Variants in PSD4 observed in about 807,000 individuals in gnomAD.
PSD4 encodes PH and SEC7 domain-containing protein 4.
A neutral mutation model predicts 112.5 loss-of-function variants in PSD4; 59 were observed. The ratio of observed to expected loss-of-function variants is 0.52; its 90% CI spans 0.43 to 0.65. The LOEUF (loss-of-function observed/expected upper bound fraction) is 0.65. Ranked by LOEUF, PSD4 falls within the 30% of genes least tolerant of loss-of-function variation. The pLI is 0.00. For synonymous variants in PSD4, 533 were observed against 540.0 expected (o/e 0.99, Z 0.18); for missense variants, 1,267 against 1,352.6 (o/e 0.94, Z 0.99).
In PSD4 at chr2:113,201,462, T is replaced by A; in HGVS notation, c.*47T>A. 2.5e-6 allele frequency: 4 copies of A among 1,600,584 alleles called. No homozygotes were observed. The highest frequency in any genetic ancestry group is 3.4e-6 in the Non-Finnish European group (4 of 1,173,492). ...ACTGTTCCCTGCTCCAGGGTAGACCTGAGATGAACCTCCCTGGAGGAGACT... is the reference window on the plus strand; with the variant it reads ...ACTGTTCCCTGCTCCAGGGTAGACCAGAGATGAACCTCCCTGGAGGAGACT... On this transcript the variant is annotated 3_prime_UTR_variant, in exon 17 of 17. Coordinates refer to ENST00000245796, the MANE Select transcript of PSD4 (RefSeq NM_012455.3).
In PSD4 at chr2:113,191,304, C is replaced by T. The variant is rs181615467; in HGVS notation, c.1629-1076C>T. Among the ~76,000 whole-genome samples the T allele has an allele frequency of 2.6e-4, 39 of 152,302 alleles. No individual in the cohort carries two copies. In the East Asian group the frequency reaches 7.3e-3, roughly 29 times the overall value. ...TTCTTTTTTTTCTTTTAGACGGCAT[C>T]TTGCTCTGTTGCCCAGGCTGGTGTG... On this transcript the variant is annotated intron_variant, in intron 5 of 16. Coordinates refer to ENST00000245796, the MANE Select transcript of PSD4 (RefSeq NM_012455.3).
At position 113,183,518 on chromosome 2, in the gene PSD4, C is replaced by A; in HGVS notation, c.1056+6C>A. 1 of 1,555,336 alleles carries A rather than the reference C, an allele frequency of 6.4e-7. No individual in the cohort carries two copies. The highest frequency in any genetic ancestry group is 8.7e-7 in the Non-Finnish European group (1 of 1,154,804). ...CTGGTCACGGGGAGAGTGAGGTAAG[C>A]CCAGTCTTGGGAACCAACCGGGGCT... On this transcript the variant is annotated splice_donor_region_variant and intron_variant, in intron 2 of 16. Transcript: ENST00000245796.
At chr2:113,197,115 G>C (rs1451804891) in intron 12 of PSD4, 1 of 243,062 alleles carries the variant, frequency 4.1e-6, no homozygotes, top group African/African-American at 2.3e-5. Context: ...GGTGCTCAGA[G>C]TGGGGTACAC....
At position 113,192,435 on chromosome 2, in the gene PSD4, C is replaced by A; in HGVS notation, c.1684C>A (p.Gln562Lys). The A allele has an allele frequency of 6.2e-7, 1 of 1,614,234 alleles. No homozygotes were observed. Among genetic ancestry groups the A allele is most frequent in the Middle Eastern group, 1.6e-4 (1 of 6,062 alleles). The stretch of plus-strand genomic sequence containing the variant: ...TTGGCTTCCTGGGAGCCCTATGCCC[C>A]AAGCACAGTCCCCAGAGGAAGGCCA... ...SSWLPGSPMP[Q>K]AQSPEEGQRP... The change falls in exon 6 of 17, where the codon CAA (glutamine) becomes AAA (lysine). Residue 562 changes from glutamine (Q) to lysine (K), a missense_variant. Physicochemically the swap from Gln to Lys is moderately conservative, Grantham distance 53 (BLOSUM62 1). Around this residue, in one of 2 missense-constraint regions of PSD4, gnomAD observed 723 missense variants for 704.0 expected, o/e 1.03. Coordinates refer to ENST00000245796, the MANE Select transcript of PSD4 (RefSeq NM_012455.3).
chr2:113,185,319 T>A (rs1293626086), intron 3 of PSD4, 46 bp from the exon 4 acceptor site: 1 of 1,610,162 alleles, frequency 6.2e-7, no homozygotes, highest in Non-Finnish European at 8.5e-7. Flanking sequence ...CATCCACCTC[T>A]CTGTGTATCC....
chr2:113,193,131 A>G lies in PSD4; in HGVS notation c.1919+3A>G. 6.2e-7 allele frequency: 1 copy of G among 1,613,356 alleles called. No individual in the cohort carries two copies. The highest frequency in any genetic ancestry group is 8.5e-7 in the Non-Finnish European group (1 of 1,179,290). On this transcript the variant is annotated splice_donor_region_variant and intron_variant, in intron 7 of 16. Coordinates refer to ENST00000245796, the MANE Select transcript of PSD4 (RefSeq NM_012455.3). ...CAGAGTCTGGACCGAGCCCTCCGGT[A>G]ATGTCTTTGGGCCCTCTCTGGGGAG...
intron 3 of PSD4, 107 bp from the exon 4 acceptor site, chr2:113,185,258 G>A (rs766649313): frequency 3.4e-5 from 52 of 1,551,114 alleles, no homozygotes; most frequent in Non-Finnish European, 4.4e-5. Flanking sequence ...GCCTACTCAT[G>A]GCATCCTTCC....
intron 10 of PSD4, 115 bp from the exon 11 acceptor site, chr2:113,195,612 T>C: frequency 9.6e-7 from 1 of 1,038,310 alleles, no homozygotes; most frequent in South Asian, 1.4e-5. Flanking sequence ...GCACCTATGT[T>C]GTGGGTGGAG....
intron 5 of PSD4, among the ~76,000 whole-genome samples, chr2:113,191,410 G>A (rs777348740): frequency 4.6e-5 from 7 of 152,140 alleles, no homozygotes; most frequent in Non-Finnish European, 1.0e-4. Context: ...TGAGTAGCTG[G>A]GACTACAGGC....
chr2:113,178,222 A>C (rs973249845), intron 1 of PSD4, among the ~76,000 whole-genome samples: 3 of 152,082 alleles, frequency 2.0e-5, no homozygotes, highest in African/African-American at 7.2e-5. Flanking sequence ...CGTCTAAAAA[A>C]AAATGTCGCA....
At chr2:113,175,546 C>T (rs376096650) in intron 1 of PSD4, among the ~76,000 whole-genome samples, 4 of 152,170 alleles carry the variant, frequency 2.6e-5, no homozygotes, top group East Asian at 3.9e-4. Flanking sequence ...ATCTGTAATT[C>T]GGCAGCTTCT....
intron 10 of PSD4, 88 bp downstream of exon 10, chr2:113,194,036 G>C (rs2104505202): frequency 1.5e-6 from 2 of 1,316,676 alleles, no homozygotes; most frequent in East Asian, 4.7e-5. Context: ...GCTTGGGACT[G>C]GCTTTGCCAA....
At chr2:113,197,522 G>T in intron 12 of PSD4, 42 bp from the exon 13 acceptor site, 1 of 1,610,008 alleles carries the variant, frequency 6.2e-7, no homozygotes. Flanking sequence ...TCTGGATGCT[G>T]GTGCCCCCAC....
At chr2:113,194,722 C>T (rs1208173203) in intron 10 of PSD4, among the ~76,000 whole-genome samples, 2 of 152,148 alleles carry the variant, frequency 1.3e-5, no homozygotes, top group Non-Finnish European at 2.9e-5. Context: ...ATTTGTATAT[C>T]TAAACATAGA....
In PSD4 at chr2:113,192,924, G is replaced by A. The variant is rs963297240; in HGVS notation, c.1839-124G>A. 2.8e-5 allele frequency: 26 copies of A among 929,732 alleles called. No individual in the cohort carries two copies. The African/African-American group carries it at 3.1e-4, about 11-fold the overall frequency. 57.6% of individuals were successfully genotyped at this position (929,732 alleles called of 1,614,324 possible). On this transcript the variant is annotated intron_variant, in intron 6 of 16. Coordinates refer to ENST00000245796, the MANE Select transcript of PSD4 (RefSeq NM_012455.3). ...GCTCTGTCAGGACCCAAGGCCCAGC[G>A]TGCCTGCACCCTTCCCTTGCTCACC...
chr2:113,201,195 C>A lies in PSD4; in HGVS notation c.2951C>A (p.Ala984Asp). ...RYETYVQLLV[A>D]RLHCPSDALD... Reference sequence around the variant, plus strand: ...GAGACCTACGTGCAGCTGCTGGTGGCCCGCCTGCACTGCCCCTCTGATGCT... The same window carrying A: ...GAGACCTACGTGCAGCTGCTGGTGGACCGCCTGCACTGCCCCTCTGATGCT... Residue 984 changes from alanine to aspartate, a missense_variant, in exon 17 of 17, where the codon GCC becomes GAC. By Grantham distance (126) the Ala-to-Asp change is moderately radical. Coordinates refer to ENST00000245796, the MANE Select transcript of PSD4 (RefSeq NM_012455.3). The A allele has an allele frequency of 1.2e-6, 2 of 1,613,388 alleles. No individual in the cohort carries two copies. Among genetic ancestry groups the A allele is most frequent in the Non-Finnish European group, 1.7e-6 (2 of 1,179,440 alleles).
In PSD4 at chr2:113,183,477, G is replaced by C. The variant is rs781468327; in HGVS notation, c.1021G>C (p.Ala341Pro). 1.3e-6 allele frequency: 2 copies of C among 1,589,260 alleles called. No individual in the cohort carries two copies. The highest frequency in any genetic ancestry group is 1.7e-6 in the Non-Finnish European group (2 of 1,169,046). The part of the protein sequence containing the change: ...CWASVAAAEG[A>P]PAAPPGHGES... ...GGCCTCAGTGGCTGCCGCTGAGGGGGCTCCTGCAGCACCTCCTGGTCACGG... is the reference window on the plus strand; with the variant it reads ...GGCCTCAGTGGCTGCCGCTGAGGGGCCTCCTGCAGCACCTCCTGGTCACGG... The change falls in exon 2 of 17, where the codon GCT (alanine) becomes CCT (proline). Residue 341 changes from alanine (A) to proline (P), a missense_variant. By Grantham distance (27) the Ala-to-Pro change is conservative. Around this residue, in one of 2 missense-constraint regions of PSD4, gnomAD observed 723 missense variants for 704.0 expected, o/e 1.03. Coordinates refer to ENST00000245796, the MANE Select transcript of PSD4 (RefSeq NM_012455.3).
At chr2:113,188,681 G>C (rs992187755) in intron 5 of PSD4, among the ~76,000 whole-genome samples, 5 of 151,918 alleles carry the variant, frequency 3.3e-5, no homozygotes, top group South Asian at 2.1e-4. Context: ...CCCAAGTTCA[G>C]GCCATTCTCC....
intron 2 of PSD4, among the ~76,000 whole-genome samples, chr2:113,184,373 CTTTCT>C: frequency 7.3e-6 from 1 of 137,350 alleles, no homozygotes. Context: ...TTTCTCAGGA[CTTTCT>C]TTTTTTTTTT....
Sources: allele counts gnomAD v4.1 joint callset (sites outside exome capture counted in the v4.1 genomes callset), GRCh38; gene constraint gnomAD v4.1.1; regional missense constraint gnomAD v4.1.1; transcripts MANE v1.5; gene names NCBI Gene and HGNC (gene_info 2026-07-23, HGNC 2026-07-21).